Variants in CRTC1 observed in about 807,000 individuals in gnomAD.
The protein encoded by CRTC1 is CREB regulated transcription coactivator 1.
In CRTC1, 18 loss-of-function variants were observed where a neutral mutation model predicts 66.1. That is an observed-to-expected ratio of 0.27 (90% confidence interval 0.19 to 0.40). The LOEUF (loss-of-function observed/expected upper bound fraction) is 0.40, where lower values mean the gene tolerates loss of function less well. Among genes scored for constraint, CRTC1 ranks in the 10% least tolerant of loss-of-function variants. The pLI is 1.00. For missense variants in CRTC1, 669 were observed against 887.9 expected, an observed-to-expected ratio of 0.75 and a Z score of 3.13; for synonymous variants, 416 against 398.8, an observed-to-expected ratio of 1.04 and a Z score of -0.51.
rs532614142 is a variant in CRTC1 at position 18,715,376 on chromosome 19, C to T, written c.127-27534C>T. On this transcript the variant is annotated intron_variant, in intron 1 of 13. Transcript: ENST00000321949. ...CCAAGTAGCTGGGATTACAGGTGCA[C>T]GACACCACGCCTGGCTAATACCCCT... Among the ~76,000 whole-genome samples the T allele has an allele frequency of 8.5e-5, 13 of 152,310 alleles. No individual in the cohort carries two copies. In the East Asian group the frequency reaches 9.7e-4, roughly 11 times the overall value.
At chr19:18,723,521 G>T (rs758585611) in intron 1 of CRTC1, among the ~76,000 whole-genome samples, 7 of 152,226 alleles carry the variant, frequency 4.6e-5, no homozygotes, top group Non-Finnish European at 1.0e-4. Flanking sequence ...GGAGCCACGT[G>T]GTGTCTCCAT....
At chr19:18,712,191 C>T (rs1030615696) in intron 1 of CRTC1, among the ~76,000 whole-genome samples, 4 of 152,042 alleles carry the variant, frequency 2.6e-5, no homozygotes, top group Non-Finnish European at 5.9e-5. Context: ...AGCCGTCCTC[C>T]TGCCTCAGCC....
intron 1 of CRTC1, among the ~76,000 whole-genome samples, chr19:18,721,812 C>G (rs917041715): frequency 2.0e-5 from 3 of 152,182 alleles, no homozygotes; most frequent in Non-Finnish European, 2.9e-5. Flanking sequence ...CAAAGACTCT[C>G]TCCAAATACA....
intron 1 of CRTC1, 91 bp downstream of exon 1, chr19:18,683,919 G>GGCGCGGCGGGGGCGGGGCGC (rs1249115173): frequency 3.5e-5 from 5 of 144,316 alleles, no homozygotes; most frequent in Non-Finnish European, 7.4e-5. Flanking sequence ...GGTGGGGGGG[G>GGCGCGGCGGGGGCGGGGCGC]GCGCGGCGGG....
chr19:18,720,836 T>C (rs1222527065), intron 1 of CRTC1, among the ~76,000 whole-genome samples: 2 of 145,178 alleles, frequency 1.4e-5, no homozygotes, highest in East Asian at 2.1e-4. Context: ...TCTCTGCTCA[T>C]GTACACTATG....
chr19:18,701,466 T>G (rs1411229748), intron 1 of CRTC1, among the ~76,000 whole-genome samples: 1 of 152,234 alleles, frequency 6.6e-6, no homozygotes, highest in Admixed American at 6.5e-5. Flanking sequence ...GGGGCAACAG[T>G]GAGAGCAGGA....
At chr19:18,728,272 C>T (rs142380883) in intron 1 of CRTC1, among the ~76,000 whole-genome samples, 2 of 152,178 alleles carry the variant, frequency 1.3e-5, no homozygotes, top group East Asian at 1.9e-4. Flanking sequence ...CTCTCCACCC[C>T]CTTATGTTAC....
chr19:18,720,109 G>A (rs532827382), intron 1 of CRTC1, among the ~76,000 whole-genome samples: 1 of 152,332 alleles, frequency 6.6e-6, no homozygotes, highest in South Asian at 2.1e-4. Context: ...CAGAACACAA[G>A]TGTGCACCAA....
At chr19:18,729,793 G>A (rs565183660) in intron 1 of CRTC1, among the ~76,000 whole-genome samples, 117 of 152,226 alleles carry the variant, frequency 7.7e-4, no homozygotes, top group Non-Finnish European at 1.5e-3. Context: ...TTGCTTGGAA[G>A]CCCCTTCAGT....
chr19:18,740,904 C>T (rs1300281297), intron 1 of CRTC1, among the ~76,000 whole-genome samples: 2 of 152,118 alleles, frequency 1.3e-5, no homozygotes, highest in East Asian at 3.8e-4. Flanking sequence ...AGTTCGGAGG[C>T]TGAGGCAGGA....
chr19:18,709,749 G>T (rs1355215785), intron 1 of CRTC1, among the ~76,000 whole-genome samples: 1 of 152,162 alleles, frequency 6.6e-6, no homozygotes, highest in East Asian at 1.9e-4. Flanking sequence ...ACGCAGCCAG[G>T]ATCAGGAGCC....
chr19:18,707,479 A>G lies in CRTC1; in HGVS notation c.126+23651A>G, dbSNP rs2053292319. 2.0e-5 allele frequency among the ~76,000 whole-genome samples: 3 copies of G among 152,208 alleles called. No homozygotes were observed. The South Asian group carries it at 6.2e-4, about 31-fold the overall frequency. ...TCTTGATGTTTGTCTTTATGTCAGTACCACACTGTTTTGATTACTGTAGCT... is the reference window on the plus strand; with the variant it reads ...TCTTGATGTTTGTCTTTATGTCAGTGCCACACTGTTTTGATTACTGTAGCT... On this transcript the variant is annotated intron_variant, in intron 1 of 13. Coordinates refer to ENST00000321949, the MANE Select transcript of CRTC1 (RefSeq NM_015321.3).
At position 18,736,822 on chromosome 19, in the gene CRTC1, C is replaced by T. The variant is rs140157629; in HGVS notation, c.127-6088C>T. 1.2e-4 allele frequency among the ~76,000 whole-genome samples: 18 copies of T among 152,278 alleles called. No homozygotes were observed. The East Asian group carries it at 1.4e-3, about 11-fold the overall frequency. ...GCAGGGCCGAGCTCAGCCATCAGCC[C>T]GCCTGCTTCCCTCAATCTCATTAGA... is the stretch of plus-strand genomic sequence containing the variant. On this transcript the variant is annotated intron_variant, in intron 1 of 13. Coordinates refer to ENST00000321949, the MANE Select transcript of CRTC1 (RefSeq NM_015321.3).
At chr19:18,729,360 A>G (rs1281239205) in intron 1 of CRTC1, among the ~76,000 whole-genome samples, 1 of 149,650 alleles carries the variant, frequency 6.7e-6, no homozygotes, top group Non-Finnish European at 1.5e-5. Flanking sequence ...CGAGAGGCGG[A>G]GCTTGCAGTG....
chr19:18,778,581 G>C lies in CRTC1; in HGVS notation c.*1199G>C. On this transcript the variant is annotated 3_prime_UTR_variant, in exon 14 of 14. Transcript: ENST00000321949. ...ACGGTAGGCAGAGGTGCCTCTGCCA[G>C]GGCCACAGAACAGACTTCCGGGAAG... 1.3e-5 allele frequency: 3 copies of C among 231,038 alleles called. No individual in the cohort carries two copies. Among genetic ancestry groups the C allele is most frequent in the Middle Eastern group, 2.6e-3 (2 of 770 alleles). 14.3% of individuals were successfully genotyped at this position (231,038 alleles called of 1,614,324 possible). A position where few individuals can be genotyped will look rare whatever the true frequency, so the allele number is the denominator to read the frequency against.
At chr19:18,730,987 C>G (rs1328990440) in intron 1 of CRTC1, among the ~76,000 whole-genome samples, 6 of 149,242 alleles carry the variant, frequency 4.0e-5, no homozygotes, top group African/African-American at 7.4e-5. Flanking sequence ...CCCTCCTTCC[C>G]TTTTTTAAGA....
At chr19:18,762,638 G>T (rs1248680183) in intron 8 of CRTC1, among the ~76,000 whole-genome samples, 1 of 152,154 alleles carries the variant, frequency 6.6e-6, no homozygotes, top group Non-Finnish European at 1.5e-5. Context: ...TTTGAGGCCG[G>T]GCGGGCCCTG....
At chr19:18,710,344 C>T (rs1165115851) in intron 1 of CRTC1, among the ~76,000 whole-genome samples, 1 of 152,220 alleles carries the variant, frequency 6.6e-6, no homozygotes, top group East Asian at 1.9e-4. Context: ...CGACGTCCCT[C>T]CCTGGCCTCC....
intron 1 of CRTC1, among the ~76,000 whole-genome samples, chr19:18,695,166 C>T (rs1008804310): frequency 6.6e-6 from 1 of 152,104 alleles, no homozygotes; most frequent in Non-Finnish European, 1.5e-5. Context: ...CCAATGTGCC[C>T]AGCTAATTTT....
Sources: allele counts gnomAD v4.1 joint callset (sites outside exome capture counted in the v4.1 genomes callset), GRCh38; gene constraint gnomAD v4.1.1; transcripts MANE v1.5; gene names NCBI Gene and HGNC (gene_info 2026-07-23, HGNC 2026-07-21).